Variants in ACOX1 observed in about 807,000 individuals in gnomAD.
ACOX1 encodes the protein acyl-CoA oxidase 1.
In ACOX1, 41 loss-of-function variants were observed where a neutral mutation model predicts 75.5. The ratio of observed to expected loss-of-function variants is 0.54; its 90% CI spans 0.42 to 0.70. The LOEUF (loss-of-function observed/expected upper bound fraction) is 0.70, where lower values mean the gene tolerates loss of function less well. Among genes scored for constraint, ACOX1 ranks in the 30% least tolerant of loss-of-function variants. The pLI, the probability that ACOX1 is intolerant of heterozygous loss-of-function variation, is 0.00. For missense variants in ACOX1, 630 were observed against 837.5 expected, an observed-to-expected ratio of 0.75 and a Z score of 3.06; for synonymous variants, 303 against 298.8, an observed-to-expected ratio of 1.01 and a Z score of -0.15.
chr17:75,974,873 C>T (rs1311096335), intron 2 of ACOX1, among the ~76,000 whole-genome samples: 3 of 151,328 alleles, frequency 2.0e-5, no homozygotes, highest in East Asian at 2.0e-4. Flanking sequence ...GGTGAAACCC[C>T]GTCTCTACGA....
In ACOX1 at chr17:75,949,727, C is replaced by A; in HGVS notation, c.1469G>T (p.Arg490Leu). 6.2e-7 allele frequency: 1 copy of A among 1,614,144 alleles called. No homozygotes were observed. The highest frequency in any genetic ancestry group is 8.5e-7 in the Non-Finnish European group (1 of 1,180,036). Reference protein sequence around the residue: ...PESLTEAYKLRAARLVEIAAK... With the variant: ...PESLTEAYKLLAARLVEIAAK... ...TTGAGGGAGAGCTCACCTGGCTGCA[C>A]GGAGTTTATATGCTTCGGTTAGGCT... The change falls in exon 10 of 14, where the codon CGT becomes CTT. Residue 490 changes from arginine (R) to leucine (L), a missense_variant. Coordinates refer to ENST00000293217, the MANE Select transcript of ACOX1 (RefSeq NM_004035.7).
chr17:75,957,008 T>A (rs7222577), intron 4 of ACOX1, among the ~76,000 whole-genome samples: 2 of 110,196 alleles, frequency 1.8e-5, no homozygotes, highest in South Asian at 2.9e-4. Context: ...TATATATATA[T>A]ACACACACAC....
intron 2 of ACOX1, among the ~76,000 whole-genome samples, chr17:75,966,883 T>A (rs2065937686): frequency 6.6e-6 from 1 of 152,062 alleles, no homozygotes; most frequent in Non-Finnish European, 1.5e-5. Context: ...ATGTAATATA[T>A]TTAAGGTTCC....
chr17:75,971,932 G>A (rs1426356630), intron 2 of ACOX1, among the ~76,000 whole-genome samples: 3 of 152,096 alleles, frequency 2.0e-5, no homozygotes, highest in Non-Finnish European at 4.4e-5. Context: ...GATGAATACT[G>A]AAACAGAGTT....
rs1204492406 is a variant in ACOX1, at chr17:75,946,388, CTT to C, written c.*358_*359del. The C allele has an allele frequency of 1.7e-5, 6 of 344,876 alleles. No homozygotes were observed. The highest frequency in any genetic ancestry group is 2.8e-5 in the Non-Finnish European group (5 of 178,026). 21.4% of individuals were successfully genotyped at this position (344,876 alleles called of 1,614,324 possible). ...TCAAAAATACCTTTGCTTAAAAACA[CTT>C]ATATAGCCAGTGATTAGCAATTAAA... is the stretch of plus-strand genomic sequence containing the variant. On this transcript the variant is annotated 3_prime_UTR_variant, in exon 14 of 14. Coordinates refer to ENST00000293217, the MANE Select transcript of ACOX1 (RefSeq NM_004035.7).
rs754190861 is a variant in ACOX1 at position 75,978,820 on chromosome 17, G to A, written c.110-127C>T. The A allele has an allele frequency of 1.6e-5, 26 of 1,600,530 alleles. No individual in the cohort carries two copies. The highest frequency in any genetic ancestry group is 2.2e-5 in the Non-Finnish European group (26 of 1,177,330). ...GGAATGGCGATATCCCCCCACCAGG[G>A]ACACAGGCTGTTCCTCGAAGTGGGG... On this transcript the variant is annotated intron_variant, in intron 1 of 13. Transcript: ENST00000293217. The surrounding 1 kb of genome is among the most constrained non-coding windows in gnomAD (Gnocchi z 4.2).
intron 3 of ACOX1, among the ~76,000 whole-genome samples, chr17:75,958,714 A>G (rs2065860858): frequency 6.6e-6 from 1 of 151,076 alleles, no homozygotes; most frequent in Non-Finnish European, 1.5e-5. Flanking sequence ...AGGCTGAGGC[A>G]GGAGAATGGC....
At chr17:75,948,191 T>C in intron 13 of ACOX1, 60 bp downstream of exon 13, 1 of 1,571,152 alleles carries the variant, frequency 6.4e-7, no homozygotes, top group Non-Finnish European at 8.8e-7. Context: ...CGAGAGGCCT[T>C]TCCTGCTTCA....
At position 75,948,361 on chromosome 17, in the gene ACOX1, C is replaced by A; in HGVS notation, c.1825G>T (p.Ala609Ser). The change falls in exon 13 of 14, where the codon GCA becomes TCA. Residue 609 changes from alanine to serine, a missense_variant. Physicochemically the swap from Ala to Ser is moderately conservative, Grantham distance 99 (BLOSUM62 1). Coordinates refer to ENST00000293217, the MANE Select transcript of ACOX1 (RefSeq NM_004035.7). ...IRSDAVALVD[A>S]FDFQDVTLGS... ...AGTGTCACATCCTGAAAATCAAATG[C>A]ATCAACCAAAGCAACAGCATCTGAG... 6.2e-7 allele frequency: 1 copy of A among 1,614,168 alleles called. No homozygotes were observed. The highest frequency in any genetic ancestry group is 8.5e-7 in the Non-Finnish European group (1 of 1,180,018).
At position 75,951,643 on chromosome 17, in the gene ACOX1, G is replaced by C. The variant is rs910770343; in HGVS notation, c.945-66C>G. The C allele has an allele frequency of 2.6e-6, 4 of 1,523,926 alleles. No homozygotes were observed. In the African/African-American group the frequency reaches 5.5e-5, roughly 21 times the overall value. The allele number at this position is 1,523,926 out of a possible 1,614,324, so 94.4% of individuals were successfully genotyped here. A position where few individuals can be genotyped will look rare whatever the true frequency, so the allele number is the denominator to read the frequency against. On this transcript the variant is annotated intron_variant, in intron 7 of 13. Transcript: ENST00000293217. Reference sequence around the variant, plus strand: ...TTTATACAGAACTTTCTATATGCCAGGTTCTAATCTAAGCACTTGGTATTT... The same window carrying C: ...TTTATACAGAACTTTCTATATGCCACGTTCTAATCTAAGCACTTGGTATTT...
In ACOX1 at chr17:75,949,235, G is replaced by A. The variant is rs773645537; in HGVS notation, c.1710C>T (p.Asn570=). The change falls in exon 12 of 14, where the codon AAC becomes AAT. Residue 570 remains asparagine (N), a synonymous_variant. Transcript: ENST00000293217. ...LLYSLYGISQ[N]AGDFLQGSIM... ...TACTGACCTGAAGGAAATCCCCCGCGTTCTGACTGATTCCATACAGAGAAT... is the reference window on the plus strand; with the variant it reads ...TACTGACCTGAAGGAAATCCCCCGCATTCTGACTGATTCCATACAGAGAAT... 1.4e-5 allele frequency: 22 copies of A among 1,614,016 alleles called. No homozygotes were observed. The highest frequency in any genetic ancestry group is 4.0e-5 in the African/African-American group (3 of 74,906).
At chr17:75,947,325 G>A (rs987254245) in intron 13 of ACOX1, among the ~76,000 whole-genome samples, 4 of 148,006 alleles carry the variant, frequency 2.7e-5, no homozygotes, top group South Asian at 2.1e-4. Flanking sequence ...TCGGCTCACC[G>A]CAACCTCCGC....
intron 4 of ACOX1, among the ~76,000 whole-genome samples, 162 bp from the exon 5 acceptor site, chr17:75,956,109 A>G (rs998696363): frequency 6.6e-5 from 10 of 152,214 alleles, no homozygotes; most frequent in African/African-American, 2.4e-4. Context: ...GCTTTCAGAA[A>G]GAAATTCCCT....
At chr17:75,954,765 T>A (rs555080156) in intron 6 of ACOX1, among the ~76,000 whole-genome samples, 2 of 150,684 alleles carry the variant, frequency 1.3e-5, no homozygotes, top group Admixed American at 1.3e-4. Flanking sequence ...AGAGACAGGT[T>A]TTCACCATAT....
chr17:75,949,765 G>A lies in ACOX1; in HGVS notation c.1431C>T (p.Ile477=), dbSNP rs773253261. 1.2e-6 allele frequency: 2 copies of A among 1,614,020 alleles called. No homozygotes were observed. The highest frequency in any genetic ancestry group is 1.7e-6 in the Non-Finnish European group (2 of 1,180,048). The change falls in exon 10 of 14, where the codon ATC becomes ATT. Residue 477 remains isoleucine (I), a synonymous_variant. Coordinates refer to ENST00000293217, the MANE Select transcript of ACOX1 (RefSeq NM_004035.7). ...CTTCGGTTAGGCTTTCGGGGCTGTT[G>A]ATATCCACCATGGTTGGCCAGACTG... ...QVAVWPTMVD[I]NSPESLTEAY... is the part of the protein sequence containing the mutation.
rs927486985 is a variant in ACOX1 at position 75,941,919 on chromosome 17, T to C, written c.*4829A>G. On this transcript the variant is annotated 3_prime_UTR_variant, in exon 14 of 14. Coordinates refer to ENST00000293217, the MANE Select transcript of ACOX1 (RefSeq NM_004035.7). ...TTTACTAAGAAACACTCAAAACATATTTTGGTTCAGAATTCTAAAAAATCC... is the reference window on the plus strand; with the variant it reads ...TTTACTAAGAAACACTCAAAACATACTTTGGTTCAGAATTCTAAAAAATCC... The C allele has an allele frequency of 1.3e-5, 2 of 152,152 alleles. No individual in the cohort carries two copies. The highest frequency in any genetic ancestry group is 2.9e-5 in the Non-Finnish European group (2 of 68,028). The allele number at this position is 152,152 out of a possible 1,614,324, so 9.4% of individuals were successfully genotyped here. A position where few individuals can be genotyped will look rare whatever the true frequency, so the allele number is the denominator to read the frequency against.
chr17:75,958,803 G>A (rs540649291), intron 3 of ACOX1, among the ~76,000 whole-genome samples: 20 of 119,846 alleles, frequency 1.7e-4, no homozygotes, highest in East Asian at 7.1e-4. Flanking sequence ...GCACGACTCC[G>A]TCTCAAAAAA....
chr17:75,942,792 G>T lies in ACOX1; in HGVS notation c.*3956C>A, dbSNP rs1266243267. On this transcript the variant is annotated 3_prime_UTR_variant, in exon 14 of 14. Transcript: ENST00000293217. ...AATTCACTTCCTTTCTAATAAGATG[G>T]ATGGAATAACTCGGAAAAGGGAAAG... 1 of 152,158 alleles carries T rather than the reference G, an allele frequency of 6.6e-6. No individual in the cohort carries two copies. Among genetic ancestry groups the T allele is most frequent in the Non-Finnish European group, 1.5e-5 (1 of 68,034 alleles). 9.4% of individuals were successfully genotyped at this position (152,158 alleles called of 1,614,324 possible). A position where few individuals can be genotyped will look rare whatever the true frequency, so the allele number is the denominator to read the frequency against.
Position 75,944,373 on chromosome 17 carries a change from G to A in ACOX1, c.*2375C>T, listed in dbSNP as rs933555948. 2 of 152,194 alleles carry A rather than the reference G, an allele frequency of 1.3e-5. No homozygotes were observed. The highest frequency in any genetic ancestry group is 2.9e-5 in the Non-Finnish European group (2 of 68,040). 9.4% of individuals were successfully genotyped at this position (152,194 alleles called of 1,614,324 possible). A position where few individuals can be genotyped will look rare whatever the true frequency, so the allele number is the denominator to read the frequency against. On this transcript the variant is annotated 3_prime_UTR_variant, in exon 14 of 14. Transcript: ENST00000293217. ...CAGTGGCAGTCTAGTGTGGTAGAGA[G>A]AACAAACTGGACTTGCCACTTCCTT...
Sources: gnomAD v4.1 joint callset for allele counts (sites outside exome capture counted in the v4.1 genomes callset) on GRCh38, gnomAD v4.1.1 for gene constraint, Gnocchi (gnomAD v3.1) non-coding constraint, MANE v1.5 for transcripts, NCBI Gene and HGNC (gene_info 2026-07-23, HGNC 2026-07-21) for gene names.